Variants in JAZF1 observed in about 807,000 individuals in gnomAD.
JAZF1 encodes JAZF zinc finger 1.
In JAZF1, 8 loss-of-function variants were observed where a neutral mutation model predicts 26.4. The ratio of observed to expected loss-of-function variants is 0.30; its 90% CI spans 0.18 to 0.55. JAZF1 has a LOEUF of 0.55. Ranked by LOEUF, JAZF1 falls within the 20% of genes least tolerant of loss-of-function variation. The pLI is 0.94. For synonymous variants in JAZF1, 126 were observed against 122.3 expected (o/e 1.03, Z -0.20); for missense variants, 199 against 322.0 (o/e 0.62, Z 2.92).
At chr7:27,912,363 G>C (rs11770383) in intron 2 of JAZF1, among the ~76,000 whole-genome samples, 8,122 of 152,274 alleles carry the variant, frequency 0.053, 259 homozygotes, top group South Asian at 0.1. Flanking sequence ...GAAGTGAAAA[G>C]TCTGCTCACA....
chr7:27,887,957 A>G (rs1030290574), intron 3 of JAZF1, among the ~76,000 whole-genome samples: 2 of 152,172 alleles, frequency 1.3e-5, no homozygotes, highest in African/African-American at 4.8e-5. Context: ...CTAGTCAATC[A>G]AAAAGGAAGA....
At chr7:27,894,281 C>G (rs889648361) in intron 3 of JAZF1, among the ~76,000 whole-genome samples, 3 of 152,206 alleles carry the variant, frequency 2.0e-5, no homozygotes, top group African/African-American at 7.2e-5. Flanking sequence ...GATCCTCCTG[C>G]CTCAGCCTCC....
intron 1 of JAZF1, among the ~76,000 whole-genome samples, chr7:28,114,750 A>AT (rs1157519585): frequency 6.6e-6 from 1 of 151,542 alleles, no homozygotes; most frequent in Admixed American, 6.6e-5. Context: ...GGTACTGAGG[A>AT]TGAGTGTGAG....
At chr7:27,845,706 A>AT (rs1214336494) in intron 3 of JAZF1, among the ~76,000 whole-genome samples, 1 of 142,920 alleles carries the variant, frequency 7.0e-6, no homozygotes, top group African/African-American at 2.6e-5. Context: ...CAAAAAAAAA[A>AT]AAAAAAAAGA....
At chr7:27,978,058 T>C (rs1455415684) in intron 2 of JAZF1, among the ~76,000 whole-genome samples, 1 of 152,224 alleles carries the variant, frequency 6.6e-6, no homozygotes, top group Non-Finnish European at 1.5e-5. Flanking sequence ...GAATGTTGAA[T>C]AAAAGTTGCA....
intron 1 of JAZF1, among the ~76,000 whole-genome samples, chr7:28,091,189 G>A (rs1784291474): frequency 6.6e-6 from 1 of 151,946 alleles, no homozygotes; most frequent in South Asian, 2.1e-4. Flanking sequence ...AATTATATCA[G>A]GGGAAATAAT....
Position 28,037,620 on chromosome 7 carries a change from TAC to T in JAZF1, c.116-45641_116-45640del, listed in dbSNP as rs147677685. Reference sequence around the variant, plus strand: ...GTGTGAAAGAAAGGGAAGGAATTTTTACAGTTTTATTTGTATGTGTCTATTTC... The same window carrying T: ...GTGTGAAAGAAAGGGAAGGAATTTTTAGTTTTATTTGTATGTGTCTATTTC... On this transcript the variant is annotated intron_variant, in intron 1 of 4. Coordinates refer to ENST00000283928, the MANE Select transcript of JAZF1 (RefSeq NM_175061.4). 5.2e-3 allele frequency among the ~76,000 whole-genome samples: 792 copies of T among 152,330 alleles called. 4 individuals carry two copies. The highest frequency in any genetic ancestry group is 0.014 in the Middle Eastern group (4 of 294).
At chr7:28,117,071 G>A (rs1784757741) in intron 1 of JAZF1, among the ~76,000 whole-genome samples, 1 of 152,060 alleles carries the variant, frequency 6.6e-6, no homozygotes, top group East Asian at 1.9e-4. Context: ...TGATCCACCC[G>A]CCTTGGCCTT....
At chr7:27,977,672 G>T (rs1437482748) in intron 2 of JAZF1, among the ~76,000 whole-genome samples, 1 of 152,096 alleles carries the variant, frequency 6.6e-6, no homozygotes, top group East Asian at 1.9e-4. Context: ...ATAGATTTTT[G>T]GAAAGTCTTC....
rs139598388 is a variant in JAZF1, at chr7:27,919,751, G to A, written c.189-24335C>T. Reference sequence around the variant, plus strand: ...TGGAACGCCAAGGAAGATTGGACCAGCAGTCCAATTCTACCCACACCATTT... The same window carrying A: ...TGGAACGCCAAGGAAGATTGGACCAACAGTCCAATTCTACCCACACCATTT... On this transcript the variant is annotated intron_variant, in intron 2 of 4. Transcript: ENST00000283928. Among the ~76,000 whole-genome samples the A allele has an allele frequency of 7.7e-3, 1,168 of 152,304 alleles. 6 individuals carry two copies. Among genetic ancestry groups the A allele is most frequent in the Middle Eastern group, 0.034 (10 of 294 alleles).
In JAZF1 at chr7:28,155,658, C is replaced by T. The variant is rs80347200; in HGVS notation, c.115+24805G>A. On this transcript the variant is annotated intron_variant, in intron 1 of 4. Coordinates refer to ENST00000283928, the MANE Select transcript of JAZF1 (RefSeq NM_175061.4). Reference sequence around the variant, plus strand: ...TATGGAGGGCCTGGCCACCCATGCCCATTCAGCAACTACAACCTCCACCTA... The same window carrying T: ...TATGGAGGGCCTGGCCACCCATGCCTATTCAGCAACTACAACCTCCACCTA... Among the ~76,000 whole-genome samples the T allele has an allele frequency of 3.7e-3, 559 of 152,304 alleles. 1 individual carries two copies. The highest frequency in any genetic ancestry group is 0.01 in the Middle Eastern group (3 of 294).
At chr7:28,115,282 C>G (rs140855839) in intron 1 of JAZF1, among the ~76,000 whole-genome samples, 6 of 152,290 alleles carry the variant, frequency 3.9e-5, no homozygotes, top group African/African-American at 1.4e-4. Flanking sequence ...TATGGTTTAA[C>G]CCCTCAAACA....
chr7:28,049,097 T>G (rs1048462251), intron 1 of JAZF1, among the ~76,000 whole-genome samples: 10 of 136,076 alleles, frequency 7.3e-5, no homozygotes, highest in Non-Finnish European at 1.3e-4. Flanking sequence ...CTCTCTTTCT[T>G]TCTTTGACAG....
intron 1 of JAZF1, among the ~76,000 whole-genome samples, chr7:28,174,658 G>C (rs935564542): frequency 6.6e-6 from 1 of 152,340 alleles, no homozygotes; most frequent in Admixed American, 6.5e-5. Flanking sequence ...AGAAGCTTGT[G>C]AAACTTATGA....
At chr7:28,105,103 T>C (rs1005606474) in intron 1 of JAZF1, among the ~76,000 whole-genome samples, 2 of 152,128 alleles carry the variant, frequency 1.3e-5, no homozygotes, top group African/African-American at 2.4e-5. Context: ...TGTTAGGTTA[T>C]GACATGTCCG....
chr7:28,021,808 G>A (rs778877633), intron 1 of JAZF1, among the ~76,000 whole-genome samples: 9 of 152,144 alleles, frequency 5.9e-5, no homozygotes, highest in African/African-American at 1.2e-4. Flanking sequence ...CCCACAGTTC[G>A]TCACCATGGG....
chr7:27,923,084 G>A (rs1784558256), intron 2 of JAZF1, among the ~76,000 whole-genome samples: 2 of 152,210 alleles, frequency 1.3e-5, no homozygotes, highest in African/African-American at 4.8e-5. Flanking sequence ...GTCTCCAGAT[G>A]AGCCTCAGCA....
chr7:28,179,542 A>C (rs1409291916), intron 1 of JAZF1, among the ~76,000 whole-genome samples: 3 of 151,778 alleles, frequency 2.0e-5, no homozygotes, highest in Non-Finnish European at 4.4e-5. Context: ...GGGTGCATTT[A>C]AATGCCCGGC....
At chr7:28,097,152 TAACC>T (rs1784399943) in intron 1 of JAZF1, among the ~76,000 whole-genome samples, 1 of 151,318 alleles carries the variant, frequency 6.6e-6, no homozygotes. Context: ...TCTGCCACAC[TAACC>T]AACTTTTCAG....
Sources: allele counts gnomAD v4.1 joint callset (sites outside exome capture counted in the v4.1 genomes callset), GRCh38; gene constraint gnomAD v4.1.1; transcripts MANE v1.5; gene names NCBI Gene and HGNC (gene_info 2026-07-23, HGNC 2026-07-21).